CARMIL1: variants seen among roughly 807,000 people sequenced by gnomAD.
CARMIL1 encodes capping protein regulator and myosin 1 linker 1.
In CARMIL1, 90 loss-of-function variants were observed where a neutral mutation model predicts 177.1. The ratio of observed to expected loss-of-function variants is 0.51; its 90% CI spans 0.43 to 0.61. The LOEUF is 0.61. Among genes scored for constraint, CARMIL1 ranks in the 20% least tolerant of loss-of-function variants. The pLI, the probability that CARMIL1 is intolerant of heterozygous loss-of-function variation, is 0.00. For missense variants in CARMIL1, 1,380 were observed against 1,667.0 expected (o/e 0.83, Z 3.00); for synonymous variants, 577 against 606.2 (o/e 0.95, Z 0.71).
At chr6:25,491,857 G>A in intron 14 of CARMIL1, 48 bp downstream of exon 14, 1 of 1,521,166 alleles carries the variant, frequency 6.6e-7, no homozygotes, top group African/African-American at 1.4e-5. Flanking sequence ...TCTCAGAAGA[G>A]CTATTTAGAT....
At chr6:25,467,963 T>C (rs1582055759) in intron 9 of CARMIL1, among the ~76,000 whole-genome samples, 1 of 152,112 alleles carries the variant, frequency 6.6e-6, no homozygotes, top group Admixed American at 6.6e-5. Flanking sequence ...CTGTCTAACA[T>C]TGGGTTTATT....
intron 16 of CARMIL1, 43 bp from the exon 17 acceptor site, chr6:25,500,123 G>C: frequency 6.4e-7 from 1 of 1,557,822 alleles, no homozygotes; most frequent in Non-Finnish European, 8.9e-7. Context: ...CTTTTGGGCA[G>C]TGTGTGGAAT....
chr6:25,414,173 C>T (rs966807355), intron 2 of CARMIL1, among the ~76,000 whole-genome samples: 13 of 152,232 alleles, frequency 8.5e-5, no homozygotes, highest in South Asian at 4.2e-4. Context: ...TCAGTTTGCT[C>T]ATCTGTAATT....
At chr6:25,497,939 G>A (rs1174339838) in intron 16 of CARMIL1, among the ~76,000 whole-genome samples, 1 of 152,140 alleles carries the variant, frequency 6.6e-6, no homozygotes, top group Non-Finnish European at 1.5e-5. Context: ...TGTATTTCAA[G>A]GGGGTTTAGA....
At chr6:25,316,888 A>G (rs1784325069) in intron 2 of CARMIL1, among the ~76,000 whole-genome samples, 1 of 152,176 alleles carries the variant, frequency 6.6e-6, no homozygotes, top group Admixed American at 6.5e-5. Flanking sequence ...GAGTCCTGTT[A>G]GGTTACTAGA....
In CARMIL1 at chr6:25,478,083, C is replaced by T. The variant is rs567838473; in HGVS notation, c.875-4174C>T. The stretch of plus-strand genomic sequence containing the variant: ...TCTGTTGCCCAGGCTTCTCCACTCA[C>T]TCTATTCAAAATTCGATTATTTCAT... On this transcript the variant is annotated intron_variant, in intron 11 of 36. Coordinates refer to ENST00000329474, the MANE Select transcript of CARMIL1 (RefSeq NM_017640.6). 8.9e-4 allele frequency among the ~76,000 whole-genome samples: 135 copies of T among 152,104 alleles called. 1 individual carries two copies. Among genetic ancestry groups the T allele is most frequent in the Middle Eastern group, 6.8e-3 (2 of 294 alleles).
intron 2 of CARMIL1, among the ~76,000 whole-genome samples, chr6:25,332,764 C>CACGCAT (rs1785780130): frequency 1.4e-5 from 2 of 146,092 alleles, no homozygotes; most frequent in African/African-American, 2.6e-5. Flanking sequence ...CACACACACA[C>CACGCAT]ACACACACGC....
At position 25,369,364 on chromosome 6, in the gene CARMIL1, G is replaced by T. The variant is rs912730963; in HGVS notation, c.139-50750G>T. Among the ~76,000 whole-genome samples, 4 of 143,294 alleles carry T rather than the reference G, an allele frequency of 2.8e-5. No homozygotes were observed. The Admixed American group carries it at 2.9e-4, about 10-fold the overall frequency. The allele number at this position is 143,294 out of a possible 152,430, so 94.0% of individuals were successfully genotyped here. A position where few individuals can be genotyped will look rare whatever the true frequency, so the allele number is the denominator to read the frequency against. ...CTTGCAGTCAGCTTAACAGTTGAAT[G>T]CAATGCTGTATTTTGTTTTTTTTTT... On this transcript the variant is annotated intron_variant, in intron 2 of 36. Transcript: ENST00000329474.
In CARMIL1 at chr6:25,606,270, C is replaced by T. The variant is rs1410747573; in HGVS notation, c.3844C>T (p.Pro1282Ser). The change falls in exon 35 of 37, where the codon CCT becomes TCT. Residue 1282 changes from proline to serine, a missense_variant. By Grantham distance (74) the Pro-to-Ser change is moderately conservative. Transcript: ENST00000329474. ...GCAGAAACCAAGAACCGCCTCACGGCCTGGTAAGAGTTTTGCAGTTAGGGA... is the reference window on the plus strand; with the variant it reads ...GCAGAAACCAAGAACCGCCTCACGGTCTGGTAAGAGTTTTGCAGTTAGGGA... ...IPQKPRTASR[P>S]DDIPDSPSSP... 6.2e-7 allele frequency: 1 copy of T among 1,612,826 alleles called. No homozygotes were observed. Among genetic ancestry groups the T allele is most frequent in the South Asian group, 1.1e-5 (1 of 90,874 alleles).
chr6:25,374,015 G>A (rs989775405), intron 2 of CARMIL1, among the ~76,000 whole-genome samples: 2 of 152,124 alleles, frequency 1.3e-5, no homozygotes, highest in African/African-American at 4.8e-5. Context: ...GTTTGTTTCA[G>A]TTTCATTTAG....
intron 2 of CARMIL1, among the ~76,000 whole-genome samples, chr6:25,373,083 A>T (rs892172248): frequency 6.6e-6 from 1 of 152,182 alleles, no homozygotes; most frequent in Non-Finnish European, 1.5e-5. Flanking sequence ...TCATCCCTAC[A>T]TCCTGGATGA....
At chr6:25,378,381 T>C (rs1158965871) in intron 2 of CARMIL1, among the ~76,000 whole-genome samples, 5 of 152,206 alleles carry the variant, frequency 3.3e-5, no homozygotes, top group African/African-American at 1.2e-4. Flanking sequence ...CTGTGCTCTC[T>C]TATGGCTGCA....
chr6:25,524,742 C>T (rs1219038136), intron 23 of CARMIL1, among the ~76,000 whole-genome samples: 2 of 151,528 alleles, frequency 1.3e-5, no homozygotes, highest in African/African-American at 2.4e-5. Flanking sequence ...AGACAACATG[C>T]AAGAACAGAT....
chr6:25,437,831 G>A (rs1163775693), intron 5 of CARMIL1, among the ~76,000 whole-genome samples: 2 of 152,106 alleles, frequency 1.3e-5, no homozygotes, highest in Non-Finnish European at 2.9e-5. Context: ...ATATCTCGTG[G>A]TCTGGTTCTT....
chr6:25,433,691 A>G (rs1045840326), intron 4 of CARMIL1, among the ~76,000 whole-genome samples: 7 of 152,154 alleles, frequency 4.6e-5, no homozygotes, highest in Admixed American at 6.5e-5. Flanking sequence ...AAAAATAGGA[A>G]TTTTAATTTT....
intron 8 of CARMIL1, chr6:25,451,985 T>TTCCCCCCCCCCCCCCCC: frequency 9.5e-6 from 1 of 105,384 alleles, no homozygotes; most frequent in East Asian, 2.4e-4. Context: ...ACTAGCATCT[T>TTCCCCCCCCCCCCCCCC]GCCCCCCCCT....
At position 25,452,224 on chromosome 6, in the gene CARMIL1, A is replaced by T. The variant is rs1000691507; in HGVS notation, c.614+1513A>T. ...GGCCTAAAGCCTCCAGTTCTCAGGC[A>T]ATTTTTTTTTTTTCCTGCTTAGAGC... On this transcript the variant is annotated intron_variant, in intron 8 of 36. Transcript: ENST00000329474. 3 of 760,362 alleles carry T rather than the reference A, an allele frequency of 3.9e-6. No homozygotes were observed. The Admixed American group carries it at 5.1e-5, about 13-fold the overall frequency. The allele number at this position is 760,362 out of a possible 1,614,324, so 47.1% of individuals were successfully genotyped here.
intron 29 of CARMIL1, among the ~76,000 whole-genome samples, chr6:25,564,540 A>G (rs1280731236): frequency 6.6e-6 from 1 of 152,206 alleles, no homozygotes; most frequent in Non-Finnish European, 1.5e-5. Context: ...TGCAATTGTT[A>G]CAGATACATC....
chr6:25,406,117 A>G (rs945472684), intron 2 of CARMIL1, among the ~76,000 whole-genome samples: 10 of 152,212 alleles, frequency 6.6e-5, no homozygotes, highest in African/African-American at 2.4e-4. Flanking sequence ...GATATTAAAT[A>G]TGTAATCCCA....
Sources: allele counts gnomAD v4.1 joint callset (sites outside exome capture counted in the v4.1 genomes callset), GRCh38; gene constraint gnomAD v4.1.1; transcripts MANE v1.5; gene names NCBI Gene and HGNC (gene_info 2026-07-23, HGNC 2026-07-21).